Variants in RBFOX1 observed in about 807,000 individuals in gnomAD.
RBFOX1 encodes RNA binding protein fox-1 homolog 1.
In RBFOX1, 8 loss-of-function variants were observed where a neutral mutation model predicts 57.7. The ratio of observed to expected loss-of-function variants is 0.14; its 90% confidence interval spans 0.08 to 0.25. The LOEUF (loss-of-function observed/expected upper bound fraction) is 0.25. Ranked by LOEUF, RBFOX1 falls within the 10% of genes least tolerant of loss-of-function variation. RBFOX1 has a pLI of 1.00. For missense variants in RBFOX1, 611 were observed against 548.5 expected (o/e 1.11, Z -1.14); for synonymous variants, 326 against 222.4 (o/e 1.47, Z -4.15).
intron 2 of RBFOX1, among the ~76,000 whole-genome samples, chr16:6,396,492 A>C (rs1300074443): frequency 6.6e-6 from 1 of 152,208 alleles, no homozygotes; most frequent in Non-Finnish European, 1.5e-5. Context: ...ATTCTGGTGG[A>C]TCTCTGAAGC....
intron 2 of RBFOX1, among the ~76,000 whole-genome samples, chr16:6,482,543 G>T (rs1003111547): frequency 1.3e-5 from 2 of 152,192 alleles, no homozygotes; most frequent in Non-Finnish European, 2.9e-5. Flanking sequence ...TATTATTCAA[G>T]GTACACATAT....
At chr16:7,309,960 T>C (rs1379893278) in intron 4 of RBFOX1, among the ~76,000 whole-genome samples, 1 of 152,202 alleles carries the variant, frequency 6.6e-6, no homozygotes, top group Non-Finnish European at 1.5e-5. Flanking sequence ...GAAAGTTCCA[T>C]TCATCAATAA....
intron 1 of RBFOX1, among the ~76,000 whole-genome samples, chr16:6,028,505 C>A (rs1429371335): frequency 1.5e-5 from 1 of 65,800 alleles, no homozygotes; most frequent in Non-Finnish European, 2.9e-5. Context: ...GACCCTGTCT[C>A]TGTTAAAAAA....
rs1363914411 is a variant in RBFOX1 at position 5,709,829 on chromosome 16, ATATATATATATATATTTTTTTTTTTTTT to A, written c.318+110870_318+110897del. 1.5e-3 allele frequency among the ~76,000 whole-genome samples: 11 copies of A among 7,484 alleles called. No individual in the cohort carries two copies. The East Asian group carries it at 0.036, about 25-fold the overall frequency. 4.9% of individuals were successfully genotyped at this position (7,484 alleles called of 152,430 possible). ...TTTCTTTATATATATATATATATAT[ATATATATATATATATTTTTTTTTTTTTT>A]TTTTTTTTTTTTTTTTTTTTACCAT... On this transcript the variant is annotated intron_variant, in intron 3 of 19. Coordinates refer to the RBFOX1 transcript ENST00000641259.
At chr16:7,265,471 T>A (rs1448411090) in intron 4 of RBFOX1, among the ~76,000 whole-genome samples, 1 of 152,088 alleles carries the variant, frequency 6.6e-6, no homozygotes, top group Non-Finnish European at 1.5e-5. Context: ...TTATTTTAGA[T>A]GTAGTCTTGC....
intron 3 of RBFOX1, among the ~76,000 whole-genome samples, chr16:5,744,518 C>G (rs542113548): frequency 2.0e-5 from 3 of 152,260 alleles, no homozygotes; most frequent in Non-Finnish European, 4.4e-5. Flanking sequence ...CTTTCCAACT[C>G]CACCTTCAGT....
intron 4 of RBFOX1, among the ~76,000 whole-genome samples, chr16:7,084,668 C>G (rs940467464): frequency 6.6e-6 from 1 of 152,288 alleles, no homozygotes; most frequent in African/African-American, 2.4e-5. Flanking sequence ...GCTGATTGGT[C>G]TCCTGTGCTC....
intron 2 of RBFOX1, among the ~76,000 whole-genome samples, chr16:5,519,752 G>C (rs779891826): frequency 2.0e-5 from 3 of 152,116 alleles, no homozygotes; most frequent in Non-Finnish European, 2.9e-5. Flanking sequence ...AAATACTCTA[G>C]ACCTGTTATT....
chr16:6,392,054 A>C (rs1489432805), intron 2 of RBFOX1, among the ~76,000 whole-genome samples: 1 of 152,220 alleles, frequency 6.6e-6, no homozygotes, highest in African/African-American at 2.4e-5. Flanking sequence ...AGGAAACCGT[A>C]GGAGATAATC....
At chr16:7,107,564 A>G (rs1377764257) in intron 4 of RBFOX1, among the ~76,000 whole-genome samples, 1 of 152,060 alleles carries the variant, frequency 6.6e-6, no homozygotes, top group Non-Finnish European at 1.5e-5. Flanking sequence ...CTTGACTGTA[A>G]TCAAGGTAGT....
chr16:5,302,284 T>A (rs550558619), intron 1 of RBFOX1, among the ~76,000 whole-genome samples: 5 of 152,340 alleles, frequency 3.3e-5, no homozygotes, highest in African/African-American at 1.2e-4. Flanking sequence ...AATACTGTTG[T>A]CAGAGAAATC....
At chr16:5,732,035 C>T (rs1182072028) in intron 3 of RBFOX1, among the ~76,000 whole-genome samples, 3 of 152,170 alleles carry the variant, frequency 2.0e-5, no homozygotes, top group African/African-American at 7.2e-5. Context: ...TCATTGCAGC[C>T]ACGCACAGGG....
chr16:7,558,139 A>G (rs561733838), intron 5 of RBFOX1, among the ~76,000 whole-genome samples: 12 of 152,080 alleles, frequency 7.9e-5, no homozygotes, highest in Admixed American at 7.2e-4. Context: ...AGATCACTGG[A>G]ACCCAGGAGT....
Position 7,677,265 on chromosome 16 carries a change from C to G in RBFOX1, c.995+427C>G, listed in dbSNP as rs139699316. Among the ~76,000 whole-genome samples the G allele has an allele frequency of 6.6e-4, 100 of 152,174 alleles. 2 individuals are homozygous for G. The East Asian group carries it at 0.013, about 19-fold the overall frequency. ...CAAGGTTTACTTCAATTTCAAGCCC[C>G]TTTCCTTTTTACAAGGTCTTATACC... On this transcript the variant is annotated intron_variant, in intron 14 of 15. Coordinates refer to ENST00000550418, the MANE Select transcript of RBFOX1 (RefSeq NM_018723.4).
chr16:7,197,440 G>GAAAAAAA (rs57893229), intron 4 of RBFOX1, among the ~76,000 whole-genome samples: 2 of 91,326 alleles, frequency 2.2e-5, no homozygotes, highest in Non-Finnish European at 2.1e-5. Flanking sequence ...CCTGTGAGTG[G>GAAAAAAA]AAAAAAAAAA....
At chr16:5,639,884 T>C (rs572371280) in intron 3 of RBFOX1, among the ~76,000 whole-genome samples, 20 of 152,336 alleles carry the variant, frequency 1.3e-4, no homozygotes, top group African/African-American at 4.6e-4. Flanking sequence ...TGATTAGTTA[T>C]GAGCTATTTT....
intron 3 of RBFOX1, among the ~76,000 whole-genome samples, chr16:7,050,470 TGGCCAG>T (rs2049659434): frequency 6.6e-6 from 1 of 152,094 alleles, no homozygotes; most frequent in Non-Finnish European, 1.5e-5. Flanking sequence ...TTCACCATAT[TGGCCAG>T]GTTTGTCTCG....
chr16:6,132,015 G>A (rs754029751), intron 1 of RBFOX1, among the ~76,000 whole-genome samples: 3 of 152,210 alleles, frequency 2.0e-5, no homozygotes, highest in African/African-American at 7.2e-5. Context: ...GCTTTTAGGA[G>A]CATATATTGT....
intron 2 of RBFOX1, among the ~76,000 whole-genome samples, chr16:6,368,230 C>G (rs1376270715): frequency 1.3e-5 from 2 of 152,158 alleles, no homozygotes; most frequent in African/African-American, 4.8e-5. Flanking sequence ...GAAAATATCT[C>G]ACAGCTAGCT....
Sources: allele counts gnomAD v4.1 joint callset (sites outside exome capture counted in the v4.1 genomes callset), GRCh38; gene constraint gnomAD v4.1.1; transcripts MANE v1.5; gene names NCBI Gene and HGNC (gene_info 2026-07-23, HGNC 2026-07-21).